The following RAPGEF5 variants were observed in gnomAD, a reference collection of about 807,000 sequenced individuals.
RAPGEF5 encodes the protein M-Ras-regulated GEF.
A neutral mutation model predicts 125.2 loss-of-function variants in RAPGEF5; 65 were observed. The observed-to-expected ratio is 0.52, with a 90% CI of 0.43 to 0.64. The LOEUF is 0.64. Ranked by LOEUF, RAPGEF5 falls within the 30% of genes least tolerant of loss-of-function variation. The pLI is 0.00. For synonymous variants in RAPGEF5, 391 were observed against 385.9 expected, an observed-to-expected ratio of 1.01 and a Z score of -0.16; for missense variants, 958 against 1,048.1, an observed-to-expected ratio of 0.91 and a Z score of 1.19.
At position 22,315,318 on chromosome 7, in the gene RAPGEF5, GT is replaced by G. The variant is rs1015251480; in HGVS notation, c.389+51del. 2.8e-4 allele frequency: 427 copies of G among 1,515,102 alleles called. 1 individual carries two copies. Among genetic ancestry groups the G allele is most frequent in the Non-Finnish European group, 1.2e-4 (138 of 1,128,064 alleles). The allele number at this position is 1,515,102 out of a possible 1,614,324, so 93.9% of individuals were successfully genotyped here. On this transcript the variant is annotated intron_variant, in intron 3 of 25. Transcript: ENST00000665637. ...AAGGTTACAATTTTAACACAGGGTG[GT>G]TTTTTTTCCTCAAAGAGAATTTCTG...
At chr7:22,171,303 G>C (rs1198385855) in intron 11 of RAPGEF5, among the ~76,000 whole-genome samples, 1 of 152,026 alleles carries the variant, frequency 6.6e-6, no homozygotes, top group East Asian at 1.9e-4. Context: ...ACACTACATA[G>C]TACTTAATAA....
chr7:22,162,877 G>A, intron 12 of RAPGEF5: 1 of 473,082 alleles, frequency 2.1e-6, no homozygotes, highest in Non-Finnish European at 4.2e-6. Context: ...TAAGAAGAGA[G>A]CTAGCCTCAC....
chr7:22,263,157 G>T (rs1222387402), intron 7 of RAPGEF5, among the ~76,000 whole-genome samples: 1 of 152,210 alleles, frequency 6.6e-6, no homozygotes, highest in Non-Finnish European at 1.5e-5. Context: ...ATTAAGAAGA[G>T]AAAAGAGGTA....
chr7:22,275,172 C>T (rs965335734), intron 6 of RAPGEF5, among the ~76,000 whole-genome samples: 1 of 152,194 alleles, frequency 6.6e-6, no homozygotes, highest in African/African-American at 2.4e-5. Flanking sequence ...CTGAGCGCCA[C>T]TCACCTCTCC....
intron 9 of RAPGEF5, among the ~76,000 whole-genome samples, chr7:22,218,832 G>A (rs1481111116): frequency 4.6e-5 from 7 of 152,120 alleles, no homozygotes; most frequent in Admixed American, 2.0e-4. Context: ...CAATCACAAC[G>A]CTTTGAAACT....
intron 11 of RAPGEF5, among the ~76,000 whole-genome samples, chr7:22,181,287 C>T (rs1297307300): frequency 6.6e-6 from 1 of 152,082 alleles, no homozygotes; most frequent in Non-Finnish European, 1.5e-5. Context: ...AATTCTTCTT[C>T]ATAACAGGTG....
intron 5 of RAPGEF5, among the ~76,000 whole-genome samples, chr7:22,298,329 C>T (rs1191378753): frequency 1.3e-5 from 2 of 151,966 alleles, no homozygotes; most frequent in East Asian, 3.9e-4. Context: ...AGCCATGCAC[C>T]ACCACGCCTG....
intron 6 of RAPGEF5, among the ~76,000 whole-genome samples, chr7:22,287,678 C>T (rs957167744): frequency 6.6e-6 from 1 of 152,094 alleles, no homozygotes; most frequent in East Asian, 1.9e-4. Context: ...GAGAACTGTT[C>T]CCTGAGTGAT....
At chr7:22,250,883 T>A (rs1786602076) in intron 7 of RAPGEF5, among the ~76,000 whole-genome samples, 1 of 152,120 alleles carries the variant, frequency 6.6e-6, no homozygotes, top group South Asian at 2.1e-4. Flanking sequence ...CTCTGCATTT[T>A]ATAAAAGAAT....
chr7:22,125,633 G>T lies in RAPGEF5; in HGVS notation c.2507C>A (p.Thr836Asn). Residue 836 changes from threonine (T) to asparagine (N), a missense_variant, in exon 25 of 26, where the codon ACC (threonine) becomes AAC (asparagine). Transcript: ENST00000665637. ...CTGGTTAGTCCTGCAGTGTCTCAGG[G>T]TTCGGACAGTGTCTGCGATCATATG... is the stretch of plus-strand genomic sequence containing the variant. ...KLHMIADTVR[T>N]LRHCRTNQFG... 6.2e-7 allele frequency: 1 copy of T among 1,612,410 alleles called. No homozygotes were observed. Among genetic ancestry groups the T allele is most frequent in the South Asian group, 1.1e-5 (1 of 91,042 alleles).
chr7:22,240,496 C>A (rs1411352396), intron 7 of RAPGEF5, among the ~76,000 whole-genome samples: 3 of 151,966 alleles, frequency 2.0e-5, no homozygotes, highest in Non-Finnish European at 4.4e-5. Flanking sequence ...CTCAGCCTCC[C>A]AAGTAGCTGG....
intron 1 of RAPGEF5, among the ~76,000 whole-genome samples, chr7:22,341,758 G>A (rs1363978772): frequency 6.6e-6 from 1 of 152,160 alleles, no homozygotes; most frequent in Non-Finnish European, 1.5e-5. Context: ...CTCAAATCCA[G>A]GTCATGCTGA....
chr7:22,191,562 G>C (rs1323483957), intron 11 of RAPGEF5: 1 of 471,052 alleles, frequency 2.1e-6, no homozygotes, highest in Non-Finnish European at 4.4e-6. Flanking sequence ...TGCTAGGAGA[G>C]TCAAGCCATG....
chr7:22,244,718 G>A (rs933013244), intron 7 of RAPGEF5, among the ~76,000 whole-genome samples: 37 of 152,176 alleles, frequency 2.4e-4, no homozygotes, highest in Middle Eastern at 3.4e-3. Flanking sequence ...ACCCCAGTCC[G>A]TAGAAAAACT....
chr7:22,315,537 C>T, intron 2 of RAPGEF5, 61 bp from the exon 3 acceptor site: 1 of 942,536 alleles, frequency 1.1e-6, no homozygotes, highest in East Asian at 4.6e-5. Context: ...TGTGAACTAC[C>T]AATAGCATAC....
At chr7:22,248,691 G>A (rs1786541702) in intron 7 of RAPGEF5, among the ~76,000 whole-genome samples, 1 of 152,150 alleles carries the variant, frequency 6.6e-6, no homozygotes, top group South Asian at 2.1e-4. Flanking sequence ...AGTGATAAAC[G>A]CGTGTCTGCT....
At chr7:22,257,541 T>C (rs903609274) in intron 7 of RAPGEF5, among the ~76,000 whole-genome samples, 2 of 152,236 alleles carry the variant, frequency 1.3e-5, no homozygotes, top group Non-Finnish European at 2.9e-5. Context: ...TTATAGTTTG[T>C]GCCCAGCTAG....
At chr7:22,179,983 T>C (rs1428498433) in intron 11 of RAPGEF5, among the ~76,000 whole-genome samples, 1 of 152,190 alleles carries the variant, frequency 6.6e-6, no homozygotes, top group Non-Finnish European at 1.5e-5. Flanking sequence ...GAGTAGCCAT[T>C]CTTTCGTTTC....
intron 1 of RAPGEF5, among the ~76,000 whole-genome samples, chr7:22,355,624 C>G (rs534771362): frequency 3.2e-4 from 48 of 152,272 alleles, no homozygotes; most frequent in South Asian, 8.3e-4. Context: ...CCATCACACA[C>G]AGAGAATCCT....
Sources: allele counts gnomAD v4.1 joint callset (sites outside exome capture counted in the v4.1 genomes callset), GRCh38; gene constraint gnomAD v4.1.1; transcripts MANE v1.5; gene names NCBI Gene and HGNC (gene_info 2026-07-23, HGNC 2026-07-21).